Variants in TLN2 observed in about 807,000 individuals in gnomAD.
TLN2 encodes the protein talin 2.
In TLN2, 118 loss-of-function variants were observed where a neutral mutation model predicts 294.7. That is an observed-to-expected ratio of 0.40 (90% confidence interval 0.34 to 0.47). The LOEUF (loss-of-function observed/expected upper bound fraction) is 0.47. TLN2 is among the 20% of genes least tolerant of loss of function. The probability of loss-of-function intolerance (pLI) is 0.84; values close to 1 mark genes in which losing one functional copy is unlikely to be tolerated. For synonymous variants in TLN2, 1,431 were observed against 1,304.5 expected (o/e 1.10, Z -2.09); for missense variants, 3,083 against 3,282.2 (o/e 0.94, Z 1.48).
At chr15:62,752,528 G>A in intron 35 of TLN2, 101 bp downstream of exon 35, 1 of 1,494,486 alleles carries the variant, frequency 6.7e-7, no homozygotes, top group Non-Finnish European at 9.0e-7. Flanking sequence ...TACCACCACA[G>A]AAACCATGGG....
chr15:62,559,618 C>T (rs2042801703), intron 1 of TLN2, among the ~76,000 whole-genome samples: 1 of 152,186 alleles, frequency 6.6e-6, no homozygotes, highest in Non-Finnish European at 1.5e-5. Flanking sequence ...GCACTGTTGC[C>T]ATAGCACCTG....
chr15:62,748,241 C>A (rs1432226918), intron 32 of TLN2, 110 bp from the exon 33 acceptor site: 2 of 804,090 alleles, frequency 2.5e-6, no homozygotes, highest in Non-Finnish European at 4.0e-6. Flanking sequence ...CTCCTGGGGA[C>A]CCGAGCTGAA....
chr15:62,479,355 G>A (rs1595897056), intron 1 of TLN2, among the ~76,000 whole-genome samples: 1 of 152,294 alleles, frequency 6.6e-6, no homozygotes, highest in Non-Finnish European at 1.5e-5. Flanking sequence ...CCTTAGACTG[G>A]TGTGTACTTA....
At chr15:62,531,834 C>T (rs965445352) in intron 1 of TLN2, among the ~76,000 whole-genome samples, 3 of 151,948 alleles carry the variant, frequency 2.0e-5, no homozygotes, top group Non-Finnish European at 4.4e-5. Flanking sequence ...ATTTGATGTT[C>T]ATCCCCAAAT....
At chr15:62,614,428 C>A (rs987008485) in intron 2 of TLN2, among the ~76,000 whole-genome samples, 1 of 152,128 alleles carries the variant, frequency 6.6e-6, no homozygotes, top group Non-Finnish European at 1.5e-5. Flanking sequence ...ATCAACTATC[C>A]TAAAAGTTTT....
At chr15:62,809,191 A>G (rs796517597) in intron 51 of TLN2, among the ~76,000 whole-genome samples, 4 of 152,320 alleles carry the variant, frequency 2.6e-5, no homozygotes, top group African/African-American at 7.2e-5. Context: ...TCTGAAATTC[A>G]AATTTAACTG....
chr15:62,510,568 G>A (rs2039874838), intron 1 of TLN2, among the ~76,000 whole-genome samples: 1 of 152,218 alleles, frequency 6.6e-6, no homozygotes, highest in African/African-American at 2.4e-5. Flanking sequence ...CATTTAATGT[G>A]TAAGTTATGG....
intron 1 of TLN2, chr15:62,561,294 A>G (rs978482008): frequency 1.2e-4 from 18 of 152,204 alleles, no homozygotes; most frequent in Non-Finnish European, 1.5e-5. Flanking sequence ...TGATTACACA[A>G]ATTATAGCAA....
chr15:62,545,783 G>A (rs965631775), intron 1 of TLN2, among the ~76,000 whole-genome samples: 3 of 152,100 alleles, frequency 2.0e-5, no homozygotes, highest in Admixed American at 1.3e-4. Flanking sequence ...TAGTGGCAGG[G>A]CCTTATTCTG....
chr15:62,831,999 T>G (rs1440301213), intron 54 of TLN2: 1 of 152,182 alleles, frequency 6.6e-6, no homozygotes, highest in Non-Finnish European at 1.5e-5. Context: ...GTTTAGATTC[T>G]GGTTTAGATG....
At chr15:62,804,711 A>G (rs761476771) in intron 50 of TLN2, among the ~76,000 whole-genome samples, 1 of 152,150 alleles carries the variant, frequency 6.6e-6, no homozygotes, top group Non-Finnish European at 1.5e-5. Flanking sequence ...TGGACTGCTT[A>G]ATTGCAGTTG....
At chr15:62,564,923 A>ATAT (rs1442472632) in intron 1 of TLN2, among the ~76,000 whole-genome samples, 2,341 of 101,612 alleles carry the variant, frequency 0.023, 22 homozygotes, top group Middle Eastern at 0.034. Flanking sequence ...AAAAAAAAAA[A>ATAT]AAATATATAT....
intron 11 of TLN2, among the ~76,000 whole-genome samples, chr15:62,678,691 TGTG>T (rs1159852430): frequency 1.3e-5 from 2 of 152,174 alleles, no homozygotes; most frequent in Non-Finnish European, 2.9e-5. Flanking sequence ...GTTAGCTAGA[TGTG>T]GTGGTGCACA....
At chr15:62,664,875 A>AAAAAAAAAAAAAAAAAAAAAAAAAAAAAG (rs1555462003) in intron 9 of TLN2, among the ~76,000 whole-genome samples, 1 of 146,484 alleles carries the variant, frequency 6.8e-6, no homozygotes, top group African/African-American at 2.7e-5. Flanking sequence ...AAAAAAAAAA[A>AAAAAAAAAAAAAAAAAAAAAAAAAAAAAG]AAAGTGGCTA....
rs556247245 is a variant in TLN2 at position 62,463,041 on chromosome 15, A to G, written c.-238+72356A>G. 6.4e-3 allele frequency among the ~76,000 whole-genome samples: 980 copies of G among 152,290 alleles called. 20 individuals carry two copies. The highest frequency in any genetic ancestry group is 0.023 in the African/African-American group (954 of 41,568). ...GGGGGTACTTATTCCCCGTCAGAGT[A>G]GGGGTGCCTCTTGCCTTTCCCCCAA... On this transcript the variant is annotated intron_variant, in intron 1 of 58. Coordinates refer to ENST00000636159, the MANE Select transcript of TLN2 (RefSeq NM_015059.3).
intron 1 of TLN2, among the ~76,000 whole-genome samples, chr15:62,471,003 A>G (rs1257019822): frequency 2.6e-5 from 4 of 152,224 alleles, no homozygotes; most frequent in Admixed American, 6.5e-5. Flanking sequence ...ACACAACATG[A>G]TAAAACTCCT....
chr15:62,568,911 A>T (rs1374135306), intron 1 of TLN2, among the ~76,000 whole-genome samples: 1 of 152,156 alleles, frequency 6.6e-6, no homozygotes, highest in Non-Finnish European at 1.5e-5. Flanking sequence ...GTAACACATG[A>T]CAACAGCTGG....
chr15:62,588,180 T>A (rs2140724500), intron 1 of TLN2, among the ~76,000 whole-genome samples: 1 of 152,264 alleles, frequency 6.6e-6, no homozygotes, highest in East Asian at 1.9e-4. Flanking sequence ...GCACCCGGCC[T>A]AAAATTACAT....
Position 62,747,287 on chromosome 15 carries a change from T to C in TLN2, c.4026-1064T>C, listed in dbSNP as rs530694580. On this transcript the variant is annotated intron_variant, in intron 32 of 58. Coordinates refer to ENST00000636159, the MANE Select transcript of TLN2 (RefSeq NM_015059.3). ...ATTTTCTTATCACACTCCACCCCAATTCTGTATCTACTTATGGGCTACCTC... is the reference window on the plus strand; with the variant it reads ...ATTTTCTTATCACACTCCACCCCAACTCTGTATCTACTTATGGGCTACCTC... 3.9e-5 allele frequency among the ~76,000 whole-genome samples: 6 copies of C among 152,280 alleles called. No individual in the cohort carries two copies. The South Asian group carries it at 1.0e-3, about 26-fold the overall frequency.
Sources: allele counts gnomAD v4.1 joint callset (sites outside exome capture counted in the v4.1 genomes callset), GRCh38; gene constraint gnomAD v4.1.1; transcripts MANE v1.5; gene names NCBI Gene and HGNC (gene_info 2026-07-23, HGNC 2026-07-21).